The following ATM variants were observed in gnomAD, a reference collection of about 807,000 sequenced individuals.
ATM encodes serine-protein kinase ATM.
Under a neutral mutation model 387.0 loss-of-function variants are expected in ATM, and 308 were observed. That is an observed-to-expected ratio of 0.80 (90% CI 0.73 to 0.87). ATM has a LOEUF of 0.87. Among genes scored for constraint, ATM ranks in the 40% least tolerant of loss-of-function variants. The probability of loss-of-function intolerance (pLI) is 0.00; values close to 1 mark genes in which losing one functional copy is unlikely to be tolerated. For synonymous variants in ATM, 1,156 were observed against 1,187.3 expected (o/e 0.97, Z 0.54); for missense variants, 3,312 against 3,560.9 (o/e 0.93, Z 1.78).
In ATM at chr11:108,271,386, T is replaced by TA; in HGVS notation, c.3058dup (p.Thr1020AsnfsTer28). 3 of 1,614,106 alleles carry TA rather than the reference T, an allele frequency of 1.9e-6. No homozygotes were observed. The highest frequency in any genetic ancestry group is 2.5e-6 in the Non-Finnish European group (3 of 1,179,994). On this transcript the variant is annotated frameshift_variant, in exon 20 of 63. Coordinates refer to ENST00000675843, the MANE Select transcript of ATM (RefSeq NM_000051.4). LOFTEE classifies it high-confidence loss of function. ...CAAGGGATGCTCAAGGACAGTTTCT[T>TA]ACAGTAATTGGAGCATTTTGGTAGG...
chr11:108,260,202 T>C (rs188680091), intron 16 of ATM, among the ~76,000 whole-genome samples: 1 of 151,980 alleles, frequency 6.6e-6, no homozygotes, highest in South Asian at 2.1e-4. Flanking sequence ...AACCGGCTAA[T>C]TTTTGTATTT....
chr11:108,354,246 A>G, intron 60 of ATM, among the ~76,000 whole-genome samples: 1 of 152,200 alleles, frequency 6.6e-6, no homozygotes, highest in African/African-American at 2.4e-5. Context: ...AGCCCATGTA[A>G]CATACATACT....
chr11:108,289,947 T>A, intron 29 of ATM, 146 bp downstream of exon 29: 1 of 695,602 alleles, frequency 1.4e-6, no homozygotes, highest in Non-Finnish European at 2.4e-6. Flanking sequence ...ATCCTCAACC[T>A]CCTGGGTTCA....
rs369583811 is a variant in ATM at position 108,366,029 on chromosome 11, CAAAAA to C, written c.*536_*540del. On this transcript the variant is annotated 3_prime_UTR_variant, in exon 63 of 63. Transcript: ENST00000675843. ...GGGTGACAAGAGCGAAACTCCATCT[CAAAAA>C]AAAAAAAAAAAAAACAGAAACGTAT... is the stretch of plus-strand genomic sequence containing the variant. 20 of 100,464 alleles carry C rather than the reference CAAAAA, an allele frequency of 2.0e-4. No individual in the cohort carries two copies. The highest frequency in any genetic ancestry group is 1.1e-3 in the East Asian group (6 of 5,554). The allele number at this position is 100,464 out of a possible 1,614,324, so 6.2% of individuals were successfully genotyped here.
rs2078568105 is a variant in ATM at position 108,223,103 on chromosome 11, GC to G, written c.-112del. The G allele has an allele frequency of 5.5e-6, 1 of 181,778 alleles. No homozygotes were observed. The highest frequency in any genetic ancestry group is 1.2e-5 in the Non-Finnish European group (1 of 84,390). 11.3% of individuals were successfully genotyped at this position (181,778 alleles called of 1,614,324 possible). On this transcript the variant is annotated 5_prime_UTR_variant, in exon 1 of 63. Coordinates refer to ENST00000675843, the MANE Select transcript of ATM (RefSeq NM_000051.4). ...TGGCTAACGGAGAAAAGAAGCCGTG[GC>G]CGCGGGAGGAGGCGAGAGGAGTCGG...
chr11:108,242,937 C>T (rs2079637995), intron 5 of ATM, among the ~76,000 whole-genome samples: 2 of 152,114 alleles, frequency 1.3e-5, no homozygotes, highest in African/African-American at 4.8e-5. Context: ...GATAAAATCT[C>T]AGCCAGGCAC....
intron 40 of ATM, 122 bp from the exon 41 acceptor site, chr11:108,315,700 AT>A (rs2084568939): frequency 1.3e-6 from 1 of 742,838 alleles, no homozygotes; most frequent in Non-Finnish European, 2.3e-6. Flanking sequence ...ATTACATTTT[AT>A]TTCTATAACA....
chr11:108,274,273 C>G (rs1217715181), intron 22 of ATM, among the ~76,000 whole-genome samples: 7 of 151,986 alleles, frequency 4.6e-5, no homozygotes, highest in African/African-American at 1.7e-4. Flanking sequence ...ATTAGTCTTG[C>G]TAGCGGTCTG....
At position 108,357,423 on chromosome 11, in the gene ATM, C is replaced by T. The variant is rs556995584; in HGVS notation, c.8850+2549C>T. Among the ~76,000 whole-genome samples the T allele has an allele frequency of 2.4e-3, 362 of 152,318 alleles. 1 individual carries two copies. In the East Asian group the frequency reaches 0.04, roughly 17 times the overall value. ...AGGTAAACAAAGCAGCCGGGAAGCT[C>T]GAACTGGGTGGAACCCACCACAGCT... On this transcript the variant is annotated intron_variant, in intron 61 of 62. Coordinates refer to ENST00000675843, the MANE Select transcript of ATM (RefSeq NM_000051.4).
At chr11:108,343,082 G>C (rs1328008636) in intron 56 of ATM, 140 bp from the exon 57 acceptor site, 1 of 1,071,318 alleles carries the variant, frequency 9.3e-7, no homozygotes, top group African/African-American at 1.6e-5. Context: ...TTTCCTCCAA[G>C]GAGCTTTGTC....
At chr11:108,263,938 T>C (rs1434955512) in intron 16 of ATM, among the ~76,000 whole-genome samples, 2 of 148,846 alleles carry the variant, frequency 1.3e-5, no homozygotes, top group African/African-American at 5.0e-5. Context: ...CAGGAAGAAG[T>C]TGAATCTCTG....
rs1205444700 is a variant in ATM, at chr11:108,317,436, A to G, written c.6262A>G (p.Asn2088Asp). 1 of 1,612,804 alleles carries G rather than the reference A, an allele frequency of 6.2e-7. No homozygotes were observed. The highest frequency in any genetic ancestry group is 1.1e-5 in the South Asian group (1 of 91,064). ...SVYLKGLDYE[N>D]KDWCPELEEL... is the part of the protein sequence containing the mutation. ...CTATTTAAAAGGATTGGATTATGAA[A>G]ATAAAGACTGGTGTCCTGAACTAGA... Residue 2088 changes from asparagine (N) to aspartate (D), a missense_variant, in exon 43 of 63, where the codon AAT becomes GAT. Physicochemically the swap from Asn to Asp is conservative, Grantham distance 23. This residue lies in a region of ATM where 1,405 missense variants were observed against 1,604.4 expected (regional missense o/e 0.88). Transcript: ENST00000675843.
chr11:108,341,286 C>G (rs956415356), intron 56 of ATM, among the ~76,000 whole-genome samples: 1 of 152,136 alleles, frequency 6.6e-6, no homozygotes, highest in African/African-American at 2.4e-5. Context: ...TTACTTCATT[C>G]AGGCTTCTGC....
At chr11:108,339,508 T>C (rs926876162) in intron 56 of ATM, among the ~76,000 whole-genome samples, 13 of 152,196 alleles carry the variant, frequency 8.5e-5, no homozygotes, top group South Asian at 4.1e-4. Flanking sequence ...ACTGAGAAAA[T>C]AGTCATCAGT....
At position 108,249,055 on chromosome 11, in the gene ATM, A is replaced by G. The variant is rs1565379417; in HGVS notation, c.1188A>G (p.Ile396Met). Residue 396 changes from isoleucine (I) to methionine (M), a missense_variant, in exon 9 of 63, where the codon ATA (isoleucine) becomes ATG (methionine). Coordinates refer to ENST00000675843, the MANE Select transcript of ATM (RefSeq NM_000051.4). ...AAATAGAACTAGGCTGGGAAGTAAT[A>G]AAAGATCACCTTCAGAAGTCACAGA... ...RKKIELGWEV[I>M]KDHLQKSQND... is the part of the protein sequence containing the mutation. 1 of 1,614,106 alleles carries G rather than the reference A, an allele frequency of 6.2e-7. No homozygotes were observed. Among genetic ancestry groups the G allele is most frequent in the Admixed American group, 1.7e-5 (1 of 60,020 alleles).
At chr11:108,257,292 T>A (rs1412859585) in intron 14 of ATM, among the ~76,000 whole-genome samples, 189 bp from the exon 15 acceptor site, 1 of 152,248 alleles carries the variant, frequency 6.6e-6, no homozygotes, top group Non-Finnish European at 1.5e-5. Context: ...TTTGCCATTT[T>A]AAAAAATTGT....
At chr11:108,271,609 G>A (rs890256098) in intron 20 of ATM, among the ~76,000 whole-genome samples, 1 of 152,182 alleles carries the variant, frequency 6.6e-6, no homozygotes, top group Non-Finnish European at 1.5e-5. Flanking sequence ...TTTCTAAACC[G>A]TTTAACTCAT....
rs786203394 is a variant in ATM, at chr11:108,329,238, G to A, written c.7307G>A (p.Arg2436Lys). 3 of 1,610,126 alleles carry A rather than the reference G, an allele frequency of 1.9e-6. No homozygotes were observed. The South Asian group carries it at 3.3e-5, about 18-fold the overall frequency. ...LLREHKIQTN[R>K]YTVKVQRELE... is the part of the protein sequence containing the mutation. ...AGGGAACATAAAATTCAGACAAACA[G>A]GTAACTAGGTTTCTACAAGTGACAA... Residue 2436 changes from arginine to lysine, a missense_variant and splice_region_variant, in exon 49 of 63, where the codon AGA becomes AAA. Arg to Lys is a conservative substitution (Grantham distance 26, BLOSUM62 2). Around this residue, in one of 4 missense-constraint regions of ATM, gnomAD observed 1,405 missense variants for 1,604.4 expected, o/e 0.88. Coordinates refer to ENST00000675843, the MANE Select transcript of ATM (RefSeq NM_000051.4).
chr11:108,368,794 A>C lies in ATM; in HGVS notation c.*3286A>C, dbSNP rs1228934862. On this transcript the variant is annotated 3_prime_UTR_variant, in exon 63 of 63. Coordinates refer to ENST00000675843, the MANE Select transcript of ATM (RefSeq NM_000051.4). The stretch of plus-strand genomic sequence containing the variant: ...GTGTTTACCTAATCAGTAGGTTCAC[A>C]AACTCTTGGTCATTATAGTATATGC... 1 of 209,042 alleles carries C rather than the reference A, an allele frequency of 4.8e-6. No individual in the cohort carries two copies. Among genetic ancestry groups the C allele is most frequent in the African/African-American group, 2.3e-5 (1 of 44,054 alleles). 12.9% of individuals were successfully genotyped at this position (209,042 alleles called of 1,614,324 possible).
Sources: allele counts gnomAD v4.1 joint callset (sites outside exome capture counted in the v4.1 genomes callset), GRCh38; gene constraint gnomAD v4.1.1; regional missense constraint gnomAD v4.1.1; transcripts MANE v1.5; gene names NCBI Gene and HGNC (gene_info 2026-07-23, HGNC 2026-07-21).